OR10J1: variants seen among roughly 807,000 people sequenced by gnomAD.
OR10J1 encodes olfactory receptor 10J1.
For synonymous variants in OR10J1, 202 were observed against 143.8 expected (o/e 1.40, Z -2.89); for missense variants, 474 against 376.6 (o/e 1.26, Z -2.14).
upstream of OR10J1, chr1:159,439,680 A>T: frequency 7.5e-7 from 1 of 1,325,550 alleles, no homozygotes; most frequent in Non-Finnish European, 1.1e-6. Context: ...ACATCACCAG[A>T]TTTGTAACTG....
chr1:159,423,210 A>G, the OR10J1 span, among the ~76,000 whole-genome samples: 1 of 152,214 alleles, frequency 6.6e-6, no homozygotes, highest in African/African-American at 2.4e-5. Flanking sequence ...ACAGGTGATG[A>G]CAATGCTTCT....
the OR10J1 span, among the ~76,000 whole-genome samples, chr1:159,427,585 A>T: frequency 6.6e-6 from 1 of 152,020 alleles, no homozygotes; most frequent in African/African-American, 2.4e-5. Flanking sequence ...TACCATAATT[A>T]GACAAGAAAT....
chr1:159,438,610 T>G (rs934764432), upstream of OR10J1, among the ~76,000 whole-genome samples: 1 of 152,246 alleles, frequency 6.6e-6, no homozygotes, highest in Non-Finnish European at 1.5e-5. Context: ...TTTTTAGCAT[T>G]CTTAGTGTAA....
chr1:159,428,048 A>G, the OR10J1 span, among the ~76,000 whole-genome samples: 1 of 152,190 alleles, frequency 6.6e-6, no homozygotes, highest in Non-Finnish European at 1.5e-5. Context: ...GAACTTCCTT[A>G]TATCTGCCAG....
the OR10J1 span, among the ~76,000 whole-genome samples, chr1:159,416,642 T>A: frequency 7.2e-5 from 11 of 152,012 alleles, no homozygotes. Context: ...TTTGAAATAA[T>A]TTGAGGAAAT....
the OR10J1 span, among the ~76,000 whole-genome samples, chr1:159,424,352 G>T: frequency 1.5e-4 from 22 of 150,934 alleles, no homozygotes; most frequent in African/African-American, 5.3e-4. Context: ...TGATTTAAAT[G>T]CATGTAAATA....
At chr1:159,408,001 G>A in the OR10J1 span, among the ~76,000 whole-genome samples, 2 of 152,088 alleles carry the variant, frequency 1.3e-5, no homozygotes, top group East Asian at 3.9e-4. Context: ...CATGAAGAAG[G>A]GTTCCTAACT....
upstream of OR10J1, among the ~76,000 whole-genome samples, chr1:159,435,205 C>T (rs1655702722): frequency 6.6e-6 from 1 of 152,110 alleles, no homozygotes. Context: ...ACTAAGAGCA[C>T]CTGTCTGCAT....
In OR10J1 at chr1:159,440,068, T is replaced by A; in HGVS notation, c.277T>A (p.Ser93Thr). Residue 93 changes from serine (S) to threonine (T), a missense_variant, in exon 1 of 1, where the codon TCA becomes ACA. Coordinates refer to ENST00000423932, the MANE Select transcript of OR10J1 (RefSeq NM_012351.3). ...CCTCGTAGGTATGAGCCAGCCCATA[T>A]CATTGGCAGGGTGTGCCACACAGAT... ...SSLVGMSQPI[S>T]LAGCATQMFF... 6.2e-7 allele frequency: 1 copy of A among 1,614,124 alleles called. No homozygotes were observed. The highest frequency in any genetic ancestry group is 1.1e-5 in the South Asian group (1 of 91,078).
At chr1:159,420,820 T>C in the OR10J1 span, among the ~76,000 whole-genome samples, 1 of 152,132 alleles carries the variant, frequency 6.6e-6, no homozygotes, top group African/African-American at 2.4e-5. Context: ...CTCTTGCTGT[T>C]CTTAGAATTT....
the OR10J1 span, among the ~76,000 whole-genome samples, chr1:159,412,332 A>T: frequency 1.3e-5 from 2 of 151,500 alleles, no homozygotes; most frequent in East Asian, 1.9e-4. Context: ...AATTGGAAAA[A>T]ACTACTCTAA....
the OR10J1 span, among the ~76,000 whole-genome samples, chr1:159,409,109 A>T: frequency 6.6e-6 from 1 of 152,056 alleles, no homozygotes; most frequent in South Asian, 2.1e-4. Flanking sequence ...CTCCATTCGT[A>T]ACTGTATTTA....
At chr1:159,417,895 T>C in the OR10J1 span, among the ~76,000 whole-genome samples, 19 of 152,280 alleles carry the variant, frequency 1.2e-4, no homozygotes, top group Middle Eastern at 3.4e-3. Flanking sequence ...TGGTCTCAGA[T>C]GGAGATGAGA....
the OR10J1 span, chr1:159,432,585 T>C: frequency 2.1e-6 from 1 of 471,994 alleles, no homozygotes; most frequent in Non-Finnish European, 3.9e-6. Flanking sequence ...TGTGGCCATC[T>C]GCAACCCTCT....
rs1422749624 is a variant in OR10J1 at position 159,439,910 on chromosome 1, C to A, written c.119C>A (p.Ala40Glu). 6.2e-7 allele frequency: 1 copy of A among 1,614,184 alleles called. No individual in the cohort carries two copies. The highest frequency in any genetic ancestry group is 8.5e-7 in the Non-Finnish European group (1 of 1,180,020). ...VFLALYILTL[A>E]GNIIIVTIIR... ...CTTGCACTATACATCTTAACCTTAG[C>A]AGGCAATATCATCATTGTGACCATC... The change falls in exon 1 of 1, where the codon GCA becomes GAA. Residue 40 changes from alanine (A) to glutamate (E), a missense_variant. Physicochemically the swap from Ala to Glu is moderately radical, Grantham distance 107. Transcript: ENST00000423932.
At chr1:159,437,686 A>AGACC, upstream of OR10J1, among the ~76,000 whole-genome samples, 1 of 105,462 alleles carries the variant, frequency 9.5e-6, no homozygotes. Flanking sequence ...CAGGTACCTG[A>AGACC]TACCTGCATC....
At chr1:159,434,565 G>A (rs1655682139), upstream of OR10J1, among the ~76,000 whole-genome samples, 1 of 152,102 alleles carries the variant, frequency 6.6e-6, no homozygotes. Context: ...CCAACTCTAA[G>A]AACCAATGAC....
chr1:159,419,444 C>G, the OR10J1 span, among the ~76,000 whole-genome samples: 2 of 152,154 alleles, frequency 1.3e-5, no homozygotes, highest in South Asian at 4.1e-4. Flanking sequence ...AGTTTTCTGT[C>G]TTGCTTGCTG....
the OR10J1 span, among the ~76,000 whole-genome samples, chr1:159,416,362 C>T: frequency 1.3e-5 from 2 of 151,494 alleles, no homozygotes; most frequent in Admixed American, 1.3e-4. Flanking sequence ...TCTTTCTTTG[C>T]CTAGTTTCTT....
Sources: gnomAD v4.1 joint callset for allele counts (sites outside exome capture counted in the v4.1 genomes callset) on GRCh38, gnomAD v4.1.1 for gene constraint, MANE v1.5 for transcripts, NCBI Gene and HGNC (gene_info 2026-07-23, HGNC 2026-07-21) for gene names.